The following ARMC2 variants were observed in gnomAD, a reference collection of about 807,000 sequenced individuals.
ARMC2 encodes armadillo repeat-containing protein 2.
A neutral mutation model predicts 90.3 loss-of-function variants in ARMC2; 67 were observed. That is an observed-to-expected ratio of 0.74 (90% CI 0.61 to 0.91). The LOEUF (loss-of-function observed/expected upper bound fraction) is 0.91, where lower values mean the gene tolerates loss of function less well. Ranked by LOEUF, ARMC2 falls within the 40% of genes least tolerant of loss-of-function variation. The probability of loss-of-function intolerance (pLI) is 0.00; values close to 1 mark genes in which losing one functional copy is unlikely to be tolerated. For missense variants in ARMC2, 920 were observed against 1,030.9 expected (o/e 0.89, Z 1.47); for synonymous variants, 393 against 393.0 (o/e 1.00, Z 0.00).
rs150182867 is a variant in ARMC2 at position 108,890,780 on chromosome 6, T to C, written c.672-3687T>C. On this transcript the variant is annotated intron_variant, in intron 5 of 17. Transcript: ENST00000392644. ...TTATTGTTACTTTTTTAAAATTATA[T>C]TTTAAGTTCTGGGATGCATGTGCAG... Among the ~76,000 whole-genome samples, 639 of 152,276 alleles carry C rather than the reference T, an allele frequency of 4.2e-3. 3 individuals are homozygous for C. The highest frequency in any genetic ancestry group is 0.014 in the African/African-American group (599 of 41,554).
At chr6:108,904,901 T>C (rs987805543) in intron 8 of ARMC2, among the ~76,000 whole-genome samples, 4 of 152,116 alleles carry the variant, frequency 2.6e-5, no homozygotes, top group Admixed American at 6.5e-5. Context: ...CAGCTGCGTG[T>C]GGTCACAGGA....
chr6:109,002,433 A>G, the ARMC2 span: 2 of 971,466 alleles, frequency 2.1e-6, no homozygotes, highest in Non-Finnish European at 3.3e-6. Context: ...CAACCAGTCG[A>G]ACAGAGACAG....
chr6:108,917,304 C>G (rs950701833), intron 10 of ARMC2, among the ~76,000 whole-genome samples: 1 of 152,140 alleles, frequency 6.6e-6, no homozygotes, highest in Non-Finnish European at 1.5e-5. Flanking sequence ...GCAGCTCCCG[C>G]AAATCCAGAT....
At chr6:108,898,026 A>G (rs535807182) in intron 6 of ARMC2, among the ~76,000 whole-genome samples, 1 of 152,330 alleles carries the variant, frequency 6.6e-6, no homozygotes, top group South Asian at 2.1e-4. Context: ...AAAGAAATTA[A>G]TAATCCTAAT....
At chr6:108,951,463 T>C (rs1042496610) in intron 12 of ARMC2, among the ~76,000 whole-genome samples, 1 of 152,250 alleles carries the variant, frequency 6.6e-6, no homozygotes, top group Non-Finnish European at 1.5e-5. Context: ...AACTCTCTCC[T>C]GGACCATCTC....
At chr6:109,032,121 A>T in the ARMC2 span, among the ~76,000 whole-genome samples, 3 of 152,140 alleles carry the variant, frequency 2.0e-5, no homozygotes, top group Admixed American at 2.0e-4. Context: ...AATACAAAAA[A>T]ATTAGCCAGG....
At chr6:109,030,230 CG>C in the ARMC2 span, among the ~76,000 whole-genome samples, 1 of 151,986 alleles carries the variant, frequency 6.6e-6, no homozygotes. Context: ...TAGGACCCCC[CG>C]ATCTAAGAAT....
the ARMC2 span, among the ~76,000 whole-genome samples, chr6:109,011,599 A>G: frequency 2.6e-5 from 4 of 151,482 alleles, no homozygotes; most frequent in African/African-American, 9.7e-5. Context: ...AGTAACCAAG[A>G]GTTCCAACAA....
At chr6:108,902,026 A>G (rs948570582) in intron 7 of ARMC2, among the ~76,000 whole-genome samples, 1 of 152,238 alleles carries the variant, frequency 6.6e-6, no homozygotes, top group Non-Finnish European at 1.5e-5. Context: ...ACCTCCTGCC[A>G]GGAGTACACG....
chr6:109,009,007 T>C, the ARMC2 span: 1 of 1,025,906 alleles, frequency 9.7e-7, no homozygotes, highest in Non-Finnish European at 1.2e-6. Context: ...ACTCGAGGTC[T>C]GCTGGATTTC....
chr6:108,982,806 ACTTTT>A, the ARMC2 span, among the ~76,000 whole-genome samples: 6 of 142,700 alleles, frequency 4.2e-5, no homozygotes, highest in African/African-American at 1.3e-4. Context: ...AAGTCTTTGG[ACTTTT>A]CTTTTTTTTT....
chr6:108,849,559 T>C (rs1773797390), intron 1 of ARMC2, among the ~76,000 whole-genome samples: 1 of 152,206 alleles, frequency 6.6e-6, no homozygotes, highest in African/African-American at 2.4e-5. Context: ...ATAGAAACAC[T>C]GAACAAACGT....
chr6:108,879,450 C>T (rs1777287292), intron 5 of ARMC2, among the ~76,000 whole-genome samples: 1 of 151,634 alleles, frequency 6.6e-6, no homozygotes, highest in South Asian at 2.1e-4. Context: ...CACCCATTCA[C>T]CCATCCCCCA....
the ARMC2 span, among the ~76,000 whole-genome samples, chr6:108,989,577 C>CTA: frequency 6.7e-6 from 1 of 148,588 alleles, no homozygotes; most frequent in Non-Finnish European, 1.5e-5. Context: ...CTAGAGATAT[C>CTA]TATATATAGA....
the ARMC2 span, chr6:108,998,788 G>C: frequency 1.3e-6 from 2 of 1,579,252 alleles, no homozygotes; most frequent in African/African-American, 2.7e-5. Context: ...ATATATTTTT[G>C]TACTGGGGTG....
intron 5 of ARMC2, among the ~76,000 whole-genome samples, chr6:108,893,700 C>T (rs1214806820): frequency 2.0e-5 from 3 of 152,122 alleles, no homozygotes; most frequent in African/African-American, 2.4e-5. Flanking sequence ...TAAATCTTAC[C>T]GGGAAATCAA....
chr6:108,983,011 G>A, the ARMC2 span, among the ~76,000 whole-genome samples: 3 of 151,680 alleles, frequency 2.0e-5, no homozygotes, highest in Admixed American at 1.3e-4. Flanking sequence ...AGAGACGGGG[G>A]TTTTCCTATG....
the ARMC2 span, among the ~76,000 whole-genome samples, chr6:108,982,785 A>C: frequency 1.3e-5 from 2 of 150,534 alleles, no homozygotes; most frequent in African/African-American, 2.4e-5. Flanking sequence ...TCTTTGGAGA[A>C]ATGTCTATTC....
chr6:108,988,740 C>G, the ARMC2 span: 1 of 1,433,588 alleles, frequency 7.0e-7, no homozygotes, highest in East Asian at 2.4e-5. Flanking sequence ...AACCTGTTTT[C>G]ATCTTACAAA....
Sources: allele counts gnomAD v4.1 joint callset (sites outside exome capture counted in the v4.1 genomes callset), GRCh38; gene constraint gnomAD v4.1.1; transcripts MANE v1.5; gene names NCBI Gene and HGNC (gene_info 2026-07-23, HGNC 2026-07-21).